ANO3: variants seen among roughly 807,000 people sequenced by gnomAD.
ANO3 encodes the protein anoctamin 3.
In ANO3, 99 loss-of-function variants were observed where a neutral mutation model predicts 144.8. The ratio of observed to expected loss-of-function variants is 0.68; its 90% CI spans 0.58 to 0.81. The LOEUF (loss-of-function observed/expected upper bound fraction) is 0.81. ANO3 is among the 30% of genes least tolerant of loss of function. ANO3 has a pLI of 0.00. For synonymous variants in ANO3, 414 were observed against 392.6 expected, an observed-to-expected ratio of 1.05 and a Z score of -0.64; for missense variants, 905 against 1,202.2, an observed-to-expected ratio of 0.75 and a Z score of 3.66.
chr11:26,656,515 AT>A, intron 26 of ANO3, 34 bp downstream of exon 26: 1 of 1,323,216 alleles, frequency 7.6e-7, no homozygotes, highest in Non-Finnish European at 1.1e-6. Flanking sequence ...ATTACTATAG[AT>A]AAATGCTTTT....
At chr11:26,244,646 A>G (rs1852742515) in intron 1 of ANO3, among the ~76,000 whole-genome samples, 1 of 152,192 alleles carries the variant, frequency 6.6e-6, no homozygotes, top group African/African-American at 2.4e-5. Context: ...ACCTGTATAC[A>G]TGACCAAAAT....
At chr11:26,468,186 G>A (rs978326067) in intron 4 of ANO3, among the ~76,000 whole-genome samples, 68 of 151,894 alleles carry the variant, frequency 4.5e-4, no homozygotes, top group African/African-American at 1.5e-3. Context: ...ATAAGCCTAC[G>A]GTAAAGAATC....
At chr11:26,638,907 T>A (rs1328042601) in intron 20 of ANO3, among the ~76,000 whole-genome samples, 3 of 152,226 alleles carry the variant, frequency 2.0e-5, no homozygotes, top group African/African-American at 4.8e-5. Flanking sequence ...AAGTACTCAC[T>A]AAAAGTTAGA....
At position 26,354,504 on chromosome 11, in the gene ANO3, C is replaced by T. The variant is rs138447528; in HGVS notation, c.46+22183C>T. On this transcript the variant is annotated intron_variant, in intron 1 of 26. Coordinates refer to ENST00000256737, the MANE Select transcript of ANO3 (RefSeq NM_031418.4). ...CCATCACAAAATAATGACATAATGA[C>T]AAAGACAAAAAACAAATAAACAAAA... Among the ~76,000 whole-genome samples, 45 of 152,194 alleles carry T rather than the reference C, an allele frequency of 3.0e-4. No individual in the cohort carries two copies. The East Asian group carries it at 5.4e-3, about 18-fold the overall frequency.
In ANO3 at chr11:26,641,968, A is replaced by G. The variant is rs1371036773; in HGVS notation, c.2214A>G (p.Glu738=). ...ATGATGCTTCCATACCTCAGTGGGA[A>G]AATGATTGGAATCTGCAGCCCATGA... ...GIHDASIPQW[E]NDWNLQPMNL... Residue 738 remains glutamate, a synonymous_variant, in exon 22 of 27, where the codon GAA becomes GAG. Coordinates refer to ENST00000256737, the MANE Select transcript of ANO3 (RefSeq NM_031418.4). The G allele has an allele frequency of 8.7e-6, 14 of 1,613,954 alleles. No homozygotes were observed. Among genetic ancestry groups the G allele is most frequent in the African/African-American group, 1.3e-5 (1 of 74,908 alleles).
intron 14 of ANO3, chr11:26,563,090 G>A (rs1363962342): frequency 1.2e-6 from 2 of 1,608,494 alleles, no homozygotes; most frequent in Non-Finnish European, 1.7e-6. Flanking sequence ...ACTGTGCCCA[G>A]GTGAAGTATT....
At chr11:26,322,874 C>T (rs903135204) in intron 1 of ANO3, among the ~76,000 whole-genome samples, 4 of 152,030 alleles carry the variant, frequency 2.6e-5, no homozygotes, top group Admixed American at 1.3e-4. Context: ...AGAGTGGTTA[C>T]GTCATTTATT....
intron 1 of ANO3, among the ~76,000 whole-genome samples, chr11:26,226,346 T>C (rs953699010): frequency 2.0e-5 from 3 of 152,108 alleles, no homozygotes; most frequent in Non-Finnish European, 2.9e-5. Context: ...ACTATTACAT[T>C]ATTTAAAAAA....
At chr11:26,236,928 T>A (rs11029413) in intron 1 of ANO3, among the ~76,000 whole-genome samples, 2,493 of 152,230 alleles carry the variant, frequency 0.016, 47 homozygotes, top group East Asian at 0.12. Context: ...TATAAAAGAT[T>A]TTTTTTAATT....
Position 26,485,013 on chromosome 11 carries a change from T to C in ANO3, c.432+21865T>C, listed in dbSNP as rs562409948. ...ACCTAATGCCTGTATCCCCATTTTA[T>C]ATTGGAATCAACTGGCTTGTTTTGA... On this transcript the variant is annotated intron_variant, in intron 4 of 26. Coordinates refer to ENST00000256737, the MANE Select transcript of ANO3 (RefSeq NM_031418.4). Among the ~76,000 whole-genome samples the C allele has an allele frequency of 2.6e-5, 4 of 152,332 alleles. No individual in the cohort carries two copies. The East Asian group carries it at 7.7e-4, about 29-fold the overall frequency.
At chr11:26,372,736 C>T (rs1856296326) in intron 1 of ANO3, among the ~76,000 whole-genome samples, 1 of 152,060 alleles carries the variant, frequency 6.6e-6, no homozygotes, top group Non-Finnish European at 1.5e-5. Flanking sequence ...AAAGGACGTG[C>T]ATAACATATT....
intron 1 of ANO3, among the ~76,000 whole-genome samples, chr11:26,299,873 A>T (rs1854185225): frequency 1.3e-5 from 2 of 152,136 alleles, no homozygotes; most frequent in South Asian, 4.1e-4. Context: ...AGTGGGTGGG[A>T]GCTGTGGAAG....
intron 1 of ANO3, chr11:26,287,944 A>G (rs1047741356): frequency 1.3e-5 from 2 of 152,208 alleles, no homozygotes; most frequent in African/African-American, 2.4e-5. Flanking sequence ...TTTGTCAAAT[A>G]ATAGAAAATG....
intron 17 of ANO3, among the ~76,000 whole-genome samples, chr11:26,608,126 T>A (rs1420091649): frequency 1.3e-5 from 2 of 152,214 alleles, no homozygotes; most frequent in Non-Finnish European, 2.9e-5. Context: ...TTGTAGGGAC[T>A]TTTTTGTTGT....
chr11:26,201,766 T>G (rs964785174), intron 1 of ANO3, among the ~76,000 whole-genome samples: 41 of 151,826 alleles, frequency 2.7e-4, no homozygotes, highest in African/African-American at 5.1e-4. Context: ...AGTTTTGTTT[T>G]TTTTTTTTTT....
intron 1 of ANO3, among the ~76,000 whole-genome samples, chr11:26,258,642 C>T (rs11029445): frequency 0.018 from 2,787 of 152,202 alleles, 67 homozygotes; most frequent in East Asian, 0.12. Flanking sequence ...GCATCTCTCT[C>T]GAACTCCATA....
At chr11:26,380,956 T>G (rs1284311057) in intron 1 of ANO3, among the ~76,000 whole-genome samples, 1 of 152,072 alleles carries the variant, frequency 6.6e-6, no homozygotes, top group Non-Finnish European at 1.5e-5. Flanking sequence ...CACTCCAGCC[T>G]GGGTGACAGA....
chr11:26,351,502 A>T (rs1374202065), intron 1 of ANO3, among the ~76,000 whole-genome samples: 1 of 152,168 alleles, frequency 6.6e-6, no homozygotes, highest in African/African-American at 2.4e-5. Context: ...CTGTTTATTT[A>T]AAAAAGAAGC....
At chr11:26,514,074 C>T (rs1378202642) in intron 5 of ANO3, among the ~76,000 whole-genome samples, 1 of 150,452 alleles carries the variant, frequency 6.6e-6, no homozygotes, top group African/African-American at 2.4e-5. Flanking sequence ...ACTATAAAGA[C>T]TACAGAAAGA....
Sources: allele counts gnomAD v4.1 joint callset (sites outside exome capture counted in the v4.1 genomes callset), GRCh38; gene constraint gnomAD v4.1.1; transcripts MANE v1.5; gene names NCBI Gene and HGNC (gene_info 2026-07-23, HGNC 2026-07-21).